NEGR1: variants seen among roughly 807,000 people sequenced by gnomAD.
NEGR1 encodes neuronal growth regulator 1.
Under a neutral mutation model 40.9 loss-of-function variants are expected in NEGR1, and 10 were observed. That is an observed-to-expected ratio of 0.24 (90% CI 0.15 to 0.42). The LOEUF (loss-of-function observed/expected upper bound fraction) is 0.42. Among genes scored for constraint, NEGR1 ranks in the 10% least tolerant of loss-of-function variants. The pLI, the probability that NEGR1 is intolerant of heterozygous loss-of-function variation, is 1.00. For missense variants in NEGR1, 352 were observed against 438.9 expected (o/e 0.80, Z 1.77); for synonymous variants, 185 against 166.8 (o/e 1.11, Z -0.84).
chr1:72,181,388 T>A (rs1292109810), intron 1 of NEGR1, among the ~76,000 whole-genome samples: 12 of 152,130 alleles, frequency 7.9e-5, no homozygotes, highest in African/African-American at 2.7e-4. Context: ...TCTTGCACTT[T>A]CTTTGTCCAT....
chr1:71,773,593 G>C lies in NEGR1; in HGVS notation c.535+2579C>G, dbSNP rs78212563. 6.2e-4 allele frequency among the ~76,000 whole-genome samples: 95 copies of C among 152,156 alleles called. 3 individuals are homozygous for C. The East Asian group carries it at 0.017, about 28-fold the overall frequency. ...AAAGCAGGAACTCCAGCGTTGTGGG[G>C]TTTTCTTTTTCCTTTAGGTGCTGTG... On this transcript the variant is annotated intron_variant, in intron 3 of 6. Coordinates refer to ENST00000357731, the MANE Select transcript of NEGR1 (RefSeq NM_173808.3).
intron 1 of NEGR1, among the ~76,000 whole-genome samples, chr1:72,169,721 C>A (rs1651892986): frequency 6.6e-6 from 1 of 152,124 alleles, no homozygotes; most frequent in African/African-American, 2.4e-5. Context: ...TACTGATGAG[C>A]CTTTCCTTCT....
chr1:71,790,282 C>T (rs1252921492), intron 2 of NEGR1, among the ~76,000 whole-genome samples: 1 of 152,090 alleles, frequency 6.6e-6, no homozygotes, highest in Non-Finnish European at 1.5e-5. Flanking sequence ...GTCAGCAGTG[C>T]TCAATAATAA....
At chr1:71,565,844 T>C (rs1648605169) in intron 6 of NEGR1, among the ~76,000 whole-genome samples, 1 of 152,278 alleles carries the variant, frequency 6.6e-6, no homozygotes, top group Non-Finnish European at 1.5e-5. Context: ...TATAAGTTTT[T>C]CTAAATTTCT....
chr1:71,814,617 A>T (rs1224878679), intron 2 of NEGR1, among the ~76,000 whole-genome samples: 1 of 152,032 alleles, frequency 6.6e-6, no homozygotes, highest in Non-Finnish European at 1.5e-5. Flanking sequence ...CAGGGATTCA[A>T]TTTCTTTCTG....
chr1:72,041,973 T>C (rs1295996530), intron 1 of NEGR1, among the ~76,000 whole-genome samples: 9 of 142,596 alleles, frequency 6.3e-5, no homozygotes, highest in Non-Finnish European at 9.1e-5. Flanking sequence ...TATATAAATA[T>C]ATAATACATA....
intron 2 of NEGR1, among the ~76,000 whole-genome samples, chr1:71,831,727 A>G (rs1658845677): frequency 6.6e-6 from 1 of 151,780 alleles, no homozygotes; most frequent in Admixed American, 6.6e-5. Context: ...GGAGGATCGA[A>G]CTCATGTTGG....
intron 1 of NEGR1, among the ~76,000 whole-genome samples, chr1:72,040,540 C>T (rs1025427233): frequency 1.5e-5 from 2 of 130,020 alleles, no homozygotes; most frequent in Non-Finnish European, 3.1e-5. Context: ...TGCTAACCCT[C>T]GGCAGTTAAA....
At chr1:71,822,038 G>C (rs1335327541) in intron 2 of NEGR1, among the ~76,000 whole-genome samples, 2 of 151,838 alleles carry the variant, frequency 1.3e-5, no homozygotes, top group African/African-American at 4.8e-5. Flanking sequence ...TTGTATGTGA[G>C]TGTGAGCCAA....
intron 2 of NEGR1, among the ~76,000 whole-genome samples, chr1:71,884,204 T>A (rs1034474432): frequency 6.6e-6 from 1 of 152,158 alleles, no homozygotes; most frequent in Non-Finnish European, 1.5e-5. Context: ...TCCACTTGGG[T>A]TGTAAGCAGT....
intron 3 of NEGR1, among the ~76,000 whole-genome samples, chr1:71,700,522 A>G (rs1402707036): frequency 6.6e-6 from 1 of 152,058 alleles, no homozygotes; most frequent in African/African-American, 2.4e-5. Flanking sequence ...GGCTGCCATA[A>G]CAAATTACCA....
intron 1 of NEGR1, among the ~76,000 whole-genome samples, chr1:72,108,145 T>C (rs1246439073): frequency 2.0e-5 from 3 of 151,698 alleles, no homozygotes; most frequent in African/African-American, 7.2e-5. Flanking sequence ...TTACAAATAA[T>C]ATTTTTAAAA....
chr1:71,436,595 G>A lies in NEGR1; in HGVS notation c.941-29025C>T, dbSNP rs114342274. On this transcript the variant is annotated intron_variant, in intron 6 of 6. Transcript: ENST00000357731. ...GAAATGAAAGCAGAAAAATCAGGCA[G>A]AAATTATGTTGTATTTCTGTAAGTT... is the stretch of plus-strand genomic sequence containing the variant. Among the ~76,000 whole-genome samples the A allele has an allele frequency of 8.3e-3, 1,262 of 152,258 alleles. 12 individuals carry two copies. Among genetic ancestry groups the A allele is most frequent in the African/African-American group, 0.028 (1,177 of 41,558 alleles).
At chr1:71,585,919 T>A (rs1649292082) in intron 6 of NEGR1, among the ~76,000 whole-genome samples, 2 of 152,084 alleles carry the variant, frequency 1.3e-5, no homozygotes, top group South Asian at 4.1e-4. Context: ...AACATTTGAA[T>A]TATACATGAG....
chr1:71,610,927 A>G (rs1335827151), intron 5 of NEGR1, 99 bp downstream of exon 5: 4 of 1,276,582 alleles, frequency 3.1e-6, no homozygotes, highest in Non-Finnish European at 4.4e-6. Context: ...GCTGAGAATC[A>G]TTCAAGCCAG....
chr1:72,016,226 T>C (rs569723432), intron 1 of NEGR1, among the ~76,000 whole-genome samples: 2 of 152,216 alleles, frequency 1.3e-5, no homozygotes, highest in African/African-American at 4.8e-5. Flanking sequence ...TAAAAAAATA[T>C]AAGTGTAAGA....
intron 2 of NEGR1, among the ~76,000 whole-genome samples, chr1:71,902,258 G>A (rs1365973703): frequency 3.3e-5 from 5 of 152,118 alleles, no homozygotes; most frequent in Non-Finnish European, 7.3e-5. Flanking sequence ...AAATAAGAGC[G>A]CAGTATGTGG....
At chr1:72,149,011 T>G (rs1651017188) in intron 1 of NEGR1, among the ~76,000 whole-genome samples, 2 of 152,130 alleles carry the variant, frequency 1.3e-5, no homozygotes. Flanking sequence ...CCCCTGCAAC[T>G]TTACTGGTAC....
At chr1:71,790,274 C>G in intron 2 of NEGR1, among the ~76,000 whole-genome samples, 1 of 152,092 alleles carries the variant, frequency 6.6e-6, no homozygotes, top group South Asian at 2.1e-4. Context: ...AGCAGAATGT[C>G]AGCAGTGCTC....
Sources: allele counts gnomAD v4.1 joint callset (sites outside exome capture counted in the v4.1 genomes callset), GRCh38; gene constraint gnomAD v4.1.1; transcripts MANE v1.5; gene names NCBI Gene and HGNC (gene_info 2026-07-23, HGNC 2026-07-21).